Variants in RP9 observed in about 807,000 individuals in gnomAD.
RP9 encodes the protein RP9 pre-mRNA splicing factor.
In RP9, 23 loss-of-function variants were observed where a neutral mutation model predicts 32.6. The observed-to-expected ratio is 0.71, with a 90% CI of 0.51 to 1.00. The LOEUF (loss-of-function observed/expected upper bound fraction) is 1.00, where lower values mean the gene tolerates loss of function less well. RP9 is among the 50% of genes least tolerant of loss of function. The pLI is 0.00. For missense variants in RP9, 245 were observed against 285.3 expected (o/e 0.86, Z 1.02); for synonymous variants, 94 against 103.6 (o/e 0.91, Z 0.56).
chr7:33,101,471 G>A (rs965136528), intron 1 of RP9, among the ~76,000 whole-genome samples: 54 of 152,056 alleles, frequency 3.6e-4, no homozygotes, highest in African/African-American at 9.9e-4. Flanking sequence ...GCGTGGTGGC[G>A]GGTGCCTGTA....
In RP9 at chr7:33,095,147, C is replaced by T; in HGVS notation, c.*87G>A. 6.5e-7 allele frequency: 1 copy of T among 1,550,348 alleles called. No individual in the cohort carries two copies. The highest frequency in any genetic ancestry group is 8.9e-7 in the Non-Finnish European group (1 of 1,123,058). ...CCCACATATACTCCTCTCTCGGCGTCTCTATCCTGCTGCTTTCTCTGACTG... is the reference window on the plus strand; with the variant it reads ...CCCACATATACTCCTCTCTCGGCGTTTCTATCCTGCTGCTTTCTCTGACTG... On this transcript the variant is annotated 3_prime_UTR_variant, in exon 6 of 6. Coordinates refer to ENST00000297157, the MANE Select transcript of RP9 (RefSeq NM_203288.2).
At chr7:33,108,780 G>A (rs892384793) in intron 1 of RP9, among the ~76,000 whole-genome samples, 15 of 152,152 alleles carry the variant, frequency 9.9e-5, no homozygotes, top group Non-Finnish European at 2.1e-4. Context: ...CTAGTGCACG[G>A]GTACATAATT....
At chr7:33,096,428 T>G in intron 5 of RP9, 65 bp downstream of exon 5, 1 of 1,205,134 alleles carries the variant, frequency 8.3e-7, no homozygotes, top group East Asian at 2.3e-5. Flanking sequence ...ACTAGAGTGG[T>G]TTTCTCCAAC....
chr7:33,104,279 GAAC>G (rs1405485908), intron 1 of RP9, among the ~76,000 whole-genome samples: 1 of 152,028 alleles, frequency 6.6e-6, no homozygotes, highest in Non-Finnish European at 1.5e-5. Context: ...ACAAACTGGG[GAAC>G]AACACACACT....
intron 3 of RP9, 103 bp downstream of exon 3, chr7:33,099,204 G>C (rs1305231991): frequency 4.4e-6 from 6 of 1,364,216 alleles, no homozygotes; most frequent in African/African-American, 1.4e-5. Flanking sequence ...TGCCTTGGCT[G>C]TAAGAGGGCT....
At chr7:33,097,763 G>A (rs1253823275) in intron 3 of RP9, among the ~76,000 whole-genome samples, 1 of 152,026 alleles carries the variant, frequency 6.6e-6, no homozygotes, top group African/African-American at 2.4e-5. Context: ...GGGATTACAG[G>A]TGCGTACCAC....
At chr7:33,098,734 T>C (rs1351124155) in intron 3 of RP9, among the ~76,000 whole-genome samples, 1 of 152,222 alleles carries the variant, frequency 6.6e-6, no homozygotes, top group Non-Finnish European at 1.5e-5. Context: ...GGAAACTGAT[T>C]TTTAAATTAG....
chr7:33,095,629 C>T (rs1161750259), intron 5 of RP9, among the ~76,000 whole-genome samples, 197 bp from the exon 6 acceptor site: 1 of 152,198 alleles, frequency 6.6e-6, no homozygotes, highest in East Asian at 1.9e-4. Context: ...AGTGTACAAG[C>T]CACTTTGTAT....
intron 5 of RP9, among the ~76,000 whole-genome samples, chr7:33,095,989 T>C (rs947635252): frequency 8.5e-5 from 13 of 152,088 alleles, no homozygotes; most frequent in Non-Finnish European, 1.3e-4. Flanking sequence ...CGTGCTGCCA[T>C]ACTTGGCTAC....
rs1308496422 is a variant in RP9, at chr7:33,095,384, A to G, written c.516T>C (p.Asp172=). The part of the protein sequence containing the change: ...QLLEDSTSDE[D]RSSSSSSEGK... ...CTTCAGAGGAACTGGAGCTGCTCCT[A>G]TCTTCATCTGAGGTAGAATCCTCCA... is the stretch of plus-strand genomic sequence containing the variant. Residue 172 remains aspartate (D), a synonymous_variant, in exon 6 of 6, where the codon GAT becomes GAC. Transcript: ENST00000297157. 6.2e-7 allele frequency: 1 copy of G among 1,613,618 alleles called. No individual in the cohort carries two copies. The highest frequency in any genetic ancestry group is 8.5e-7 in the Non-Finnish European group (1 of 1,179,814).
At chr7:33,100,288 G>A (rs1788406134) in intron 2 of RP9, 1 of 577,254 alleles carries the variant, frequency 1.7e-6, no homozygotes, top group South Asian at 2.0e-5. Context: ...AGAGGGGCAT[G>A]GCCAAGGAAT....
intron 3 of RP9, among the ~76,000 whole-genome samples, chr7:33,097,995 CT>C (rs1460088971): frequency 6.6e-6 from 1 of 152,192 alleles, no homozygotes; most frequent in Non-Finnish European, 1.5e-5. Context: ...ATCTCTGCTT[CT>C]CATTTACTAT....
chr7:33,104,022 A>AG (rs1376504597), intron 1 of RP9, among the ~76,000 whole-genome samples: 8 of 152,186 alleles, frequency 5.3e-5, no homozygotes, highest in African/African-American at 1.7e-4. Flanking sequence ...TTATGAAACA[A>AG]GAACAGGATA....
intron 4 of RP9, 69 bp downstream of exon 4, chr7:33,097,202 T>C: frequency 8.3e-7 from 1 of 1,204,230 alleles, no homozygotes; most frequent in East Asian, 2.3e-5. Flanking sequence ...AGTTCACTGG[T>C]GACTTTCTGC....
chr7:33,104,900 G>A (rs1219054127), intron 1 of RP9, among the ~76,000 whole-genome samples: 1 of 152,120 alleles, frequency 6.6e-6, no homozygotes, highest in Non-Finnish European at 1.5e-5. Context: ...TTTTTGACCT[G>A]TAATTTTATA....
intron 2 of RP9, among the ~76,000 whole-genome samples, chr7:33,099,866 C>T (rs1049549474): frequency 1.3e-5 from 2 of 152,288 alleles, no homozygotes; most frequent in African/African-American, 2.4e-5. Context: ...TACAGTCACA[C>T]ACATGCTATA....
intron 1 of RP9, among the ~76,000 whole-genome samples, chr7:33,103,753 G>A (rs1479386394): frequency 1.3e-5 from 2 of 152,164 alleles, no homozygotes; most frequent in Non-Finnish European, 1.5e-5. Context: ...CCAGGAAGTC[G>A]AGGCTGTAGT....
At chr7:33,103,170 G>A (rs887730723) in intron 1 of RP9, among the ~76,000 whole-genome samples, 3 of 152,220 alleles carry the variant, frequency 2.0e-5, no homozygotes, top group Non-Finnish European at 2.9e-5. Flanking sequence ...ATTTCCTGGG[G>A]TGGAAGAAGT....
At chr7:33,107,826 A>G (rs1290137395) in intron 1 of RP9, among the ~76,000 whole-genome samples, 2 of 152,262 alleles carry the variant, frequency 1.3e-5, no homozygotes, top group Non-Finnish European at 2.9e-5. Flanking sequence ...GGGCACCCCC[A>G]TAACCAGAAT....
Sources: gnomAD v4.1 joint callset for allele counts (sites outside exome capture counted in the v4.1 genomes callset) on GRCh38, gnomAD v4.1.1 for gene constraint, MANE v1.5 for transcripts, NCBI Gene and HGNC (gene_info 2026-07-23, HGNC 2026-07-21) for gene names.